Variants in CENPC observed in about 807,000 individuals in gnomAD.
CENPC encodes the protein CENP-C 1.
A neutral mutation model predicts 112.1 loss-of-function variants in CENPC; 63 were observed. The ratio of observed to expected loss-of-function variants is 0.56; its 90% CI spans 0.46 to 0.69. CENPC has a LOEUF of 0.69. Among genes scored for constraint, CENPC ranks in the 30% least tolerant of loss-of-function variants. The probability of loss-of-function intolerance (pLI) is 0.00; values close to 1 mark genes in which losing one functional copy is unlikely to be tolerated. For missense variants in CENPC, 1,000 were observed against 1,103.8 expected (o/e 0.91, Z 1.33); for synonymous variants, 333 against 367.6 (o/e 0.91, Z 1.08).
At chr4:67,525,613 A>T (rs1331228499) in intron 5 of CENPC, among the ~76,000 whole-genome samples, 3 of 152,242 alleles carry the variant, frequency 2.0e-5, no homozygotes, top group Non-Finnish European at 4.4e-5. Flanking sequence ...AATCAAAACC[A>T]CAATGAGATA....
At chr4:67,506,690 A>T in intron 11 of CENPC, 98 bp downstream of exon 11, 2 of 1,000,774 alleles carry the variant, frequency 2.0e-6, no homozygotes, top group Non-Finnish European at 2.7e-6. Flanking sequence ...AAGTGTTTTT[A>T]AGCTTTTAAC....
intron 18 of CENPC, among the ~76,000 whole-genome samples, chr4:67,473,015 C>T (rs899201396): frequency 6.6e-6 from 1 of 152,114 alleles, no homozygotes; most frequent in Non-Finnish European, 1.5e-5. Context: ...CAGACATACT[C>T]ATATATAGAT....
rs142124379 is a variant in CENPC at position 67,469,671 on chromosome 4, G to A, written c.*2934C>T. 1 of 152,328 alleles carries A rather than the reference G, an allele frequency of 6.6e-6. No individual in the cohort carries two copies. 9.4% of individuals were successfully genotyped at this position (152,328 alleles called of 1,614,324 possible). ...AGTCTCTTTCTTTAAGACCCTTCATGAGCATGAGGGCTGCCTGACAAAGTA... is the reference window on the plus strand; with the variant it reads ...AGTCTCTTTCTTTAAGACCCTTCATAAGCATGAGGGCTGCCTGACAAAGTA... On this transcript the variant is annotated 3_prime_UTR_variant, in exon 19 of 19. Coordinates refer to ENST00000273853, the MANE Select transcript of CENPC (RefSeq NM_001812.4).
chr4:67,497,782 CCTCCCAAAGTGTTGGGTGG>C (rs1725477486), intron 12 of CENPC, among the ~76,000 whole-genome samples: 1 of 121,398 alleles, frequency 8.2e-6, no homozygotes, highest in Admixed American at 9.5e-5. Context: ...ACCGGCCTCG[CCTCCCAAAGTGTTGGGTGG>C]CTCCCAAAGT....
At chr4:67,485,042 G>A (rs975041224) in intron 17 of CENPC, among the ~76,000 whole-genome samples, 13 of 152,160 alleles carry the variant, frequency 8.5e-5, no homozygotes, top group Admixed American at 7.2e-4. Flanking sequence ...GCAGTGAGCT[G>A]AGGTCACGCC....
intron 17 of CENPC, among the ~76,000 whole-genome samples, chr4:67,477,850 A>G (rs1386305987): frequency 1.3e-5 from 2 of 152,186 alleles, no homozygotes; most frequent in Non-Finnish European, 2.9e-5. Context: ...TAGATAGCAT[A>G]AATAAAAAAC....
intron 4 of CENPC, among the ~76,000 whole-genome samples, chr4:67,537,308 A>C (rs1726752657): frequency 6.6e-6 from 1 of 152,190 alleles, no homozygotes; most frequent in Admixed American, 6.5e-5. Flanking sequence ...AGTTGTAAAA[A>C]TTCAATGAAA....
At chr4:67,519,529 T>G in intron 5 of CENPC, 27 bp from the exon 6 acceptor site, 1 of 1,373,624 alleles carries the variant, frequency 7.3e-7, no homozygotes, top group Non-Finnish European at 9.6e-7. Context: ...TAAAGATATT[T>G]GTCAATTAAA....
chr4:67,530,998 A>G (rs959828239), intron 4 of CENPC, 84 bp from the exon 5 acceptor site: 5 of 599,028 alleles, frequency 8.3e-6, no homozygotes, highest in African/African-American at 4.0e-5. Context: ...AAATGGGGGG[A>G]AAAACAAGTA....
chr4:67,508,877 A>G lies in CENPC; in HGVS notation c.1841T>C (p.Leu614Pro). The G allele has an allele frequency of 1.2e-6, 2 of 1,613,712 alleles. No homozygotes were observed. Among genetic ancestry groups the G allele is most frequent in the East Asian group, 2.2e-5 (1 of 44,864 alleles). ...CTCATCACTTTCCAATGGCTCACTC[A>G]GCGAACATCTGGAAATTTCATCATG... The part of the protein sequence containing the change: ...VGHDEISRCS[L>P]SEPLESDEAD... Residue 614 changes from leucine (L) to proline (P), a missense_variant, in exon 10 of 19, where the codon CTG becomes CCG. Coordinates refer to ENST00000273853, the MANE Select transcript of CENPC (RefSeq NM_001812.4).
chr4:67,507,143 G>A (rs1445717282), intron 10 of CENPC, among the ~76,000 whole-genome samples: 1 of 152,140 alleles, frequency 6.6e-6, no homozygotes, highest in Non-Finnish European at 1.5e-5. Context: ...AAATTCTGAT[G>A]AGAGAAATGG....
intron 16 of CENPC, 45 bp from the exon 17 acceptor site, chr4:67,490,166 G>A (rs772664501): frequency 2.2e-6 from 3 of 1,352,590 alleles, no homozygotes; most frequent in South Asian, 2.7e-5. Flanking sequence ...CAGCAGTATT[G>A]GTTAATGATA....
chr4:67,533,882 T>TA (rs1726633259), intron 4 of CENPC, among the ~76,000 whole-genome samples: 1 of 151,578 alleles, frequency 6.6e-6, no homozygotes, highest in East Asian at 1.9e-4. Flanking sequence ...TGTGTAAAAA[T>TA]AAAAAATTAG....
rs913954386 is a variant in CENPC at position 67,518,263 on chromosome 4, T to C, written c.723A>G (p.Gly241=). Residue 241 remains glycine, a synonymous_variant, in exon 7 of 19, where the codon GGA becomes GGG. Coordinates refer to ENST00000273853, the MANE Select transcript of CENPC (RefSeq NM_001812.4). ...TSEGQERKPS[G]SSQNRIRDSE... is the part of the protein sequence containing the mutation. ...AATCTCGTATTCTATTCTGAGATGA[T>C]CCTGATGGTTTTCTTTCTTGTCCTT... The C allele has an allele frequency of 9.0e-6, 14 of 1,561,118 alleles. No individual in the cohort carries two copies. The highest frequency in any genetic ancestry group is 1.4e-5 in the African/African-American group (1 of 73,872).
intron 5 of CENPC, among the ~76,000 whole-genome samples, chr4:67,522,141 C>T (rs1425127754): frequency 2.0e-5 from 3 of 151,960 alleles, no homozygotes; most frequent in African/African-American, 4.8e-5. Context: ...AAGGAAGTGA[C>T]GTGTGTATAT....
At position 67,469,112 on chromosome 4, in the gene CENPC, G is replaced by C. The variant is rs539833301; in HGVS notation, c.*3493C>G. The C allele has an allele frequency of 6.6e-6, 1 of 152,108 alleles. No homozygotes were observed. Among genetic ancestry groups the C allele is most frequent in the South Asian group, 2.1e-4 (1 of 4,826 alleles). 9.4% of individuals were successfully genotyped at this position (152,108 alleles called of 1,614,324 possible). A position where few individuals can be genotyped will look rare whatever the true frequency, so the allele number is the denominator to read the frequency against. On this transcript the variant is annotated 3_prime_UTR_variant, in exon 19 of 19. Coordinates refer to ENST00000273853, the MANE Select transcript of CENPC (RefSeq NM_001812.4). ...CTGCATTGTAGTTACATAGATGTAA[G>C]TAACCATTGGAAGAAATTAAAGACA...
intron 16 of CENPC, among the ~76,000 whole-genome samples, chr4:67,491,472 TATATATATAGAGAGAGAGAGAGAG>T (rs1446852248): frequency 5.1e-5 from 2 of 39,264 alleles, no homozygotes; most frequent in Non-Finnish European, 1.1e-4. Context: ...TATATATATA[TATATATATAGAGAGAGAGAGAGAG>T]AGAGAGAGAG....
At chr4:67,480,248 G>A (rs1377666597) in intron 17 of CENPC, among the ~76,000 whole-genome samples, 1 of 152,156 alleles carries the variant, frequency 6.6e-6, no homozygotes, top group East Asian at 1.9e-4. Context: ...GAACCTGGGA[G>A]ATGGAGGTTA....
intron 8 of CENPC, 125 bp downstream of exon 8, chr4:67,513,949 T>C (rs1725971227): frequency 1.2e-6 from 1 of 815,352 alleles, no homozygotes; most frequent in African/African-American, 1.7e-5. Flanking sequence ...AAAGAACCTA[T>C]AGGCTTTTCA....
Sources: allele counts gnomAD v4.1 joint callset (sites outside exome capture counted in the v4.1 genomes callset), GRCh38; gene constraint gnomAD v4.1.1; transcripts MANE v1.5; gene names NCBI Gene and HGNC (gene_info 2026-07-23, HGNC 2026-07-21).